ANP32A: variants seen among roughly 807,000 people sequenced by gnomAD.
The protein encoded by ANP32A is acidic nuclear phosphoprotein 32 family member A.
In ANP32A, 1 loss-of-function variant was observed where a neutral mutation model predicts 33.9. The observed-to-expected ratio is 0.03, with a 90% CI of 0.01 to 0.14. The LOEUF is 0.14. ANP32A is among the 10% of genes least tolerant of loss of function. ANP32A has a pLI of 1.00. For missense variants in ANP32A, 155 were observed against 306.0 expected (o/e 0.51, Z 3.68); for synonymous variants, 115 against 120.5 (o/e 0.95, Z 0.30).
At chr15:68,783,537 G>A (rs1485878606) in intron 4 of ANP32A, among the ~76,000 whole-genome samples, 3 of 152,212 alleles carry the variant, frequency 2.0e-5, no homozygotes, top group Non-Finnish European at 4.4e-5. Flanking sequence ...TCCCCACCAA[G>A]GCAAACATGG....
At chr15:68,797,812 T>G (rs537159797) in intron 1 of ANP32A, among the ~76,000 whole-genome samples, 1 of 152,282 alleles carries the variant, frequency 6.6e-6, no homozygotes, top group South Asian at 2.1e-4. Flanking sequence ...TCATTCTTCC[T>G]CCTATCTCTC....
At chr15:68,784,725 T>C in intron 3 of ANP32A, 130 bp from the exon 4 acceptor site, 1 of 1,115,592 alleles carries the variant, frequency 9.0e-7, no homozygotes, top group Non-Finnish European at 1.3e-6. Flanking sequence ...ATAAGGAAGC[T>C]TGGATTTGGC....
At chr15:68,817,890 C>T (rs1160200064) in intron 1 of ANP32A, among the ~76,000 whole-genome samples, 2 of 152,144 alleles carry the variant, frequency 1.3e-5, no homozygotes, top group African/African-American at 4.8e-5. Flanking sequence ...CCCCCGCCCC[C>T]CACAGCGACA....
chr15:68,801,252 AAGG>A (rs1445664264), intron 1 of ANP32A, among the ~76,000 whole-genome samples: 1 of 151,388 alleles, frequency 6.6e-6, no homozygotes, highest in African/African-American at 2.4e-5. Flanking sequence ...GAAAAAAGTG[AAGG>A]AGAAGAAGCT....
At chr15:68,782,357 C>G (rs1203916121) in intron 5 of ANP32A, among the ~76,000 whole-genome samples, 2 of 152,182 alleles carry the variant, frequency 1.3e-5, no homozygotes, top group Non-Finnish European at 2.9e-5. Context: ...CCCTATTTTA[C>G]AGATGAAGAA....
chr15:68,784,018 T>C (rs564605957), intron 4 of ANP32A, among the ~76,000 whole-genome samples: 2 of 151,978 alleles, frequency 1.3e-5, no homozygotes, highest in Non-Finnish European at 2.9e-5. Context: ...CGGGTCACAC[T>C]ACAGAAAGAC....
rs116411075 is a variant in ANP32A, at chr15:68,801,026, G to A, written c.55-13107C>T. On this transcript the variant is annotated intron_variant, in intron 1 of 6. Coordinates refer to ENST00000465139, the MANE Select transcript of ANP32A (RefSeq NM_006305.4). ...GAAAGGAGGTGGCAGCATGAGATTG[G>A]GGTGGAGAGAAGGCTGCTGTAGGTT... 4.9e-3 allele frequency among the ~76,000 whole-genome samples: 748 copies of A among 152,090 alleles called. 5 individuals carry two copies. The highest frequency in any genetic ancestry group is 0.014 in the African/African-American group (595 of 41,490).
At chr15:68,790,071 G>C (rs1893980786) in intron 1 of ANP32A, 2 of 152,346 alleles carry the variant, frequency 1.3e-5, no homozygotes, top group Admixed American at 1.3e-4. Context: ...GTTGGGGGAG[G>C]GGAGCCATCT....
intron 1 of ANP32A, among the ~76,000 whole-genome samples, chr15:68,814,181 T>A (rs1465233049): frequency 6.6e-6 from 1 of 151,440 alleles, no homozygotes; most frequent in Non-Finnish European, 1.5e-5. Context: ...CAGGAAGTTT[T>A]TTATTTCAAT....
In ANP32A at chr15:68,782,962, C is replaced by T. The variant is rs931708435; in HGVS notation, c.618G>A (p.Glu206=). ...CCCAGCCCAGCCTCCTTACCTCCTC[C>T]TCTCCACTCACGTCCTCCTCTTCAC... The part of the protein sequence containing the change: ...EEGEEEDVSG[E]EEEDEEGYND... The change falls in exon 5 of 7, where the codon GAG becomes GAA. Residue 206 remains glutamate, a synonymous_variant. Transcript: ENST00000465139. 3 of 1,551,846 alleles carry T rather than the reference C, an allele frequency of 1.9e-6. No individual in the cohort carries two copies. Among genetic ancestry groups the T allele is most frequent in the East Asian group, 2.4e-5 (1 of 40,922 alleles).
chr15:68,806,150 G>A (rs1230925600), intron 1 of ANP32A, among the ~76,000 whole-genome samples: 1 of 152,158 alleles, frequency 6.6e-6, no homozygotes, highest in Non-Finnish European at 1.5e-5. Flanking sequence ...GACAGTAGTG[G>A]CCAAGTGCTG....
chr15:68,782,856 C>T (rs1893886662), intron 5 of ANP32A, 100 bp downstream of exon 5: 3 of 1,505,826 alleles, frequency 2.0e-6, no homozygotes, highest in Non-Finnish European at 2.7e-6. Context: ...AGCGACTTTC[C>T]TAACCAGGGC....
chr15:68,816,711 C>T (rs1052054217), intron 1 of ANP32A, among the ~76,000 whole-genome samples: 4 of 152,180 alleles, frequency 2.6e-5, no homozygotes, highest in African/African-American at 9.7e-5. Flanking sequence ...AGGTTAAGCT[C>T]ACCAGCCCAA....
rs1309426424 is a variant in ANP32A at position 68,779,314 on chromosome 15, G to C, written c.*767C>G. 6.6e-6 allele frequency: 1 copy of C among 151,290 alleles called. No individual in the cohort carries two copies. The highest frequency in any genetic ancestry group is 1.5e-5 in the Non-Finnish European group (1 of 68,012). The allele number at this position is 151,290 out of a possible 1,614,324, so 9.4% of individuals were successfully genotyped here. On this transcript the variant is annotated 3_prime_UTR_variant, in exon 7 of 7. Coordinates refer to ENST00000465139, the MANE Select transcript of ANP32A (RefSeq NM_006305.4). ...AGCGTTCTAATATTTTACAGAACAA[G>C]ATAGGACAGTTTTTTTTTTCTTTTA...
chr15:68,800,455 C>T (rs1485390920), intron 1 of ANP32A, among the ~76,000 whole-genome samples: 1 of 149,354 alleles, frequency 6.7e-6, no homozygotes, highest in Non-Finnish European at 1.5e-5. Flanking sequence ...AAAAAAAGGA[C>T]AGAAAGGCAC....
chr15:68,795,436 G>A (rs907098510), intron 1 of ANP32A, among the ~76,000 whole-genome samples: 1 of 152,228 alleles, frequency 6.6e-6, no homozygotes, highest in Non-Finnish European at 1.5e-5. Flanking sequence ...GCTGAGGCGC[G>A]CTGCAGCGGT....
At chr15:68,813,900 C>G (rs1020668547) in intron 1 of ANP32A, among the ~76,000 whole-genome samples, 3 of 113,664 alleles carry the variant, frequency 2.6e-5, no homozygotes, top group African/African-American at 6.4e-5. Flanking sequence ...GACGGAGTCT[C>G]GCTTTGTCCC....
intron 1 of ANP32A, chr15:68,817,573 AAAC>A (rs1370809310): frequency 6.6e-6 from 1 of 152,370 alleles, no homozygotes; most frequent in African/African-American, 2.4e-5. Flanking sequence ...CCGAAAGAGC[AAAC>A]ACCAGAGCGA....
intron 1 of ANP32A, among the ~76,000 whole-genome samples, chr15:68,801,222 A>T (rs79244148): frequency 9.1e-6 from 1 of 110,056 alleles, no homozygotes; most frequent in African/African-American, 3.5e-5. Flanking sequence ...AGAAGAAGAA[A>T]AAAAAAAAAA....
Sources: gnomAD v4.1 joint callset for allele counts (sites outside exome capture counted in the v4.1 genomes callset) on GRCh38, gnomAD v4.1.1 for gene constraint, MANE v1.5 for transcripts, NCBI Gene and HGNC (gene_info 2026-07-23, HGNC 2026-07-21) for gene names.